Variants in ATRN observed in about 807,000 individuals in gnomAD.
ATRN encodes attractin-2.
In ATRN, 54 loss-of-function variants were observed where a neutral mutation model predicts 178.7. The observed-to-expected ratio is 0.30, with a 90% confidence interval of 0.24 to 0.38. The LOEUF is 0.38. ATRN is among the 10% of genes least tolerant of loss of function. The pLI, the probability that ATRN is intolerant of heterozygous loss-of-function variation, is 1.00. For missense variants in ATRN, 1,443 were observed against 1,815.1 expected (o/e 0.79, Z 3.73); for synonymous variants, 636 against 663.0 (o/e 0.96, Z 0.63).
intron 26 of ATRN, among the ~76,000 whole-genome samples, chr20:3,635,217 T>C (rs1240314039): frequency 1.3e-5 from 2 of 149,736 alleles, no homozygotes; most frequent in Non-Finnish European, 3.0e-5. Flanking sequence ...GGGGAAAGAG[T>C]GGGAGGGGGA....
chr20:3,620,861 C>G (rs1377894546), intron 24 of ATRN, among the ~76,000 whole-genome samples: 1 of 152,214 alleles, frequency 6.6e-6, no homozygotes, highest in Non-Finnish European at 1.5e-5. Context: ...TTTACACAGC[C>G]ATGGTATATG....
intron 11 of ATRN, among the ~76,000 whole-genome samples, chr20:3,571,208 C>T (rs560143711): frequency 3.8e-4 from 58 of 152,260 alleles, no homozygotes; most frequent in Admixed American, 3.7e-3. Context: ...ATTATTAACC[C>T]ATTTATGCCT....
chr20:3,615,703 A>G, intron 24 of ATRN: 1 of 427,114 alleles, frequency 2.3e-6, no homozygotes, highest in Non-Finnish European at 4.7e-6. Flanking sequence ...CTACAGGAAC[A>G]CTTCACCACG....
At chr20:3,502,805 G>GC (rs1326029852) in intron 1 of ATRN, among the ~76,000 whole-genome samples, 1 of 152,152 alleles carries the variant, frequency 6.6e-6, no homozygotes, top group Admixed American at 6.5e-5. Context: ...ACCAGGGTGG[G>GC]CACTGCTTGC....
chr20:3,526,540 C>G (rs1032813075), intron 1 of ATRN, among the ~76,000 whole-genome samples: 2 of 152,090 alleles, frequency 1.3e-5, no homozygotes, highest in South Asian at 4.1e-4. Flanking sequence ...AATACTATCC[C>G]CATCAAGCTA....
At chr20:3,626,030 G>A (rs920352566) in intron 25 of ATRN, among the ~76,000 whole-genome samples, 4 of 152,024 alleles carry the variant, frequency 2.6e-5, no homozygotes, top group South Asian at 2.1e-4. Context: ...TCAGGAGTTC[G>A]AGACCAGCCT....
chr20:3,569,661 A>C (rs1457743693), intron 11 of ATRN, among the ~76,000 whole-genome samples: 2 of 152,254 alleles, frequency 1.3e-5, no homozygotes, highest in Non-Finnish European at 2.9e-5. Flanking sequence ...CATGCCATCC[A>C]TCATTGATGG....
intron 24 of ATRN, among the ~76,000 whole-genome samples, chr20:3,615,435 A>G (rs1399761673): frequency 6.6e-6 from 1 of 151,954 alleles, no homozygotes; most frequent in African/African-American, 2.4e-5. Context: ...GTCTCCAAAA[A>G]AAAAAAAAAT....
rs368394749 is a variant in ATRN at position 3,630,916 on chromosome 20, CTTTTT to C, written c.3864-3351_3864-3347del. Among the ~76,000 whole-genome samples the C allele has an allele frequency of 4.6e-4, 20 of 43,448 alleles. 1 individual carries two copies. Among genetic ancestry groups the C allele is most frequent in the African/African-American group, 1.7e-3 (17 of 10,158 alleles). The allele number at this position is 43,448 out of a possible 152,430, so 28.5% of individuals were successfully genotyped here. ...ACCATGTCTAAAAGAATTTATTTAG[CTTTTT>C]TTTTTTTTTTTTTTTTTTTTTTTTT... is the stretch of plus-strand genomic sequence containing the variant. On this transcript the variant is annotated intron_variant, in intron 25 of 28. Coordinates refer to ENST00000262919, the MANE Select transcript of ATRN (RefSeq NM_139321.3).
chr20:3,537,640 C>A (rs1405750667), intron 2 of ATRN, among the ~76,000 whole-genome samples: 2 of 150,346 alleles, frequency 1.3e-5, no homozygotes, highest in Non-Finnish European at 3.0e-5. Context: ...TAGGTATATC[C>A]CCTAATGCTA....
chr20:3,560,255 G>T (rs542370880), intron 7 of ATRN, among the ~76,000 whole-genome samples: 1 of 152,110 alleles, frequency 6.6e-6, no homozygotes, highest in South Asian at 2.1e-4. Flanking sequence ...ATTTGTCTCT[G>T]TGCTTGGCTT....
At chr20:3,563,060 GA>G in intron 9 of ATRN, 148 bp from the exon 10 acceptor site, 1 of 669,950 alleles carries the variant, frequency 1.5e-6, no homozygotes. Context: ...ATTTATTGTT[GA>G]AAAACTTACT....
chr20:3,485,095 CTT>C (rs2084672280), intron 1 of ATRN, among the ~76,000 whole-genome samples: 1 of 151,996 alleles, frequency 6.6e-6, no homozygotes, highest in African/African-American at 2.4e-5. Flanking sequence ...TGTCACATCT[CTT>C]TGTACCAGAG....
At chr20:3,560,602 C>G in intron 7 of ATRN, 60 bp from the exon 8 acceptor site, 1 of 1,379,784 alleles carries the variant, frequency 7.2e-7, no homozygotes, top group Non-Finnish European at 1.0e-6. Context: ...TTGTTCTTCT[C>G]TGTTCTCAGA....
chr20:3,517,747 G>A (rs1378329727), intron 1 of ATRN, among the ~76,000 whole-genome samples: 5 of 151,566 alleles, frequency 3.3e-5, no homozygotes, highest in African/African-American at 7.3e-5. Context: ...CTCCAGCCTG[G>A]GTGATGAAGT....
intron 26 of ATRN, 151 bp downstream of exon 26, chr20:3,634,540 GT>G (rs2087012121): frequency 1.6e-6 from 1 of 638,548 alleles, no homozygotes; most frequent in South Asian, 2.2e-5. Context: ...GCAGTCCATG[GT>G]TCTGCAGCAT....
rs2086948146 is a variant in ATRN, at chr20:3,627,151, GA to G, written c.3863+2583del. 2.0e-5 allele frequency among the ~76,000 whole-genome samples: 3 copies of G among 152,192 alleles called. No homozygotes were observed. In the South Asian group the frequency reaches 6.2e-4, roughly 32 times the overall value. ...TGATTTGGTTGATGAAGAAAATACTGAAAACTTGTGGGTTGCAGTTAAAGTT... is the reference window on the plus strand; with the variant it reads ...TGATTTGGTTGATGAAGAAAATACTGAAACTTGTGGGTTGCAGTTAAAGTT... On this transcript the variant is annotated intron_variant, in intron 25 of 28. Transcript: ENST00000262919.
At chr20:3,479,309 CT>C (rs1189133588) in intron 1 of ATRN, among the ~76,000 whole-genome samples, 2 of 152,154 alleles carry the variant, frequency 1.3e-5, no homozygotes, top group Non-Finnish European at 2.9e-5. Context: ...AGAATCAGGC[CT>C]TGCTTTCCCC....
chr20:3,582,008 G>A, intron 15 of ATRN, 127 bp from the exon 16 acceptor site: 1 of 836,262 alleles, frequency 1.2e-6, no homozygotes, highest in Non-Finnish European at 1.9e-6. Context: ...GGGAGGCCAA[G>A]GTGGGAGGAT....
Sources: gnomAD v4.1 joint callset for allele counts (sites outside exome capture counted in the v4.1 genomes callset) on GRCh38, gnomAD v4.1.1 for gene constraint, MANE v1.5 for transcripts, NCBI Gene and HGNC (gene_info 2026-07-23, HGNC 2026-07-21) for gene names.